The following TTLL11 variants were observed in gnomAD, a reference collection of about 807,000 sequenced individuals.
The protein encoded by TTLL11 is tubulin tyrosine ligase like 11.
In TTLL11, 42 loss-of-function variants were observed where a neutral mutation model predicts 51.7. The ratio of observed to expected loss-of-function variants is 0.81; its 90% CI spans 0.64 to 1.05. TTLL11 has a LOEUF of 1.05. Ranked by LOEUF, TTLL11 falls within the 50% of genes least tolerant of loss-of-function variation. The pLI is 0.00. For missense variants in TTLL11, 799 were observed against 940.4 expected, an observed-to-expected ratio of 0.85 and a Z score of 1.97; for synonymous variants, 381 against 383.5, an observed-to-expected ratio of 0.99 and a Z score of 0.08.
In TTLL11 at chr9:122,072,816, G is replaced by A. The variant is rs781034007; in HGVS notation, c.462+19871C>T. ...CTCTGACCCTTAACCTAAGCCAGCC[G>A]TCCCTCCCCTCCTCCTTCCCTGTAA... On this transcript the variant is annotated intron_variant, in intron 1 of 8. Transcript: ENST00000321582. Among the ~76,000 whole-genome samples the A allele has an allele frequency of 3.7e-4, 57 of 152,076 alleles. 1 individual carries two copies. Among genetic ancestry groups the A allele is most frequent in the Middle Eastern group, 3.4e-3 (1 of 294 alleles).
intron 6 of TTLL11, among the ~76,000 whole-genome samples, chr9:121,936,379 C>T (rs1239315969): frequency 6.6e-6 from 1 of 151,918 alleles, no homozygotes; most frequent in African/African-American, 2.4e-5. Context: ...TCCTCCTCAC[C>T]TTGGTCTCCC....
intron 4 of TTLL11, among the ~76,000 whole-genome samples, chr9:121,980,737 A>G (rs1180853219): frequency 6.6e-6 from 1 of 152,250 alleles, no homozygotes; most frequent in Non-Finnish European, 1.5e-5. Flanking sequence ...ACTATTCACA[A>G]TAGCAAAGAC....
intron 3 of TTLL11, among the ~76,000 whole-genome samples, chr9:122,020,517 T>A (rs1844139347): frequency 6.6e-6 from 1 of 152,280 alleles, no homozygotes; most frequent in South Asian, 2.1e-4. Context: ...TTAACCTCTC[T>A]GTACTTCAGT....
intron 1 of TTLL11, among the ~76,000 whole-genome samples, chr9:122,073,328 T>A (rs1845777221): frequency 6.6e-6 from 1 of 152,152 alleles, no homozygotes; most frequent in African/African-American, 2.4e-5. Context: ...AAGAATCACT[T>A]GAACCTGGGA....
chr9:121,919,871 G>C (rs1330997762), intron 6 of TTLL11, among the ~76,000 whole-genome samples: 1 of 140,922 alleles, frequency 7.1e-6, no homozygotes, highest in African/African-American at 2.7e-5. Flanking sequence ...AAAAAAAAAA[G>C]GAAATATCCT....
intron 1 of TTLL11, among the ~76,000 whole-genome samples, chr9:122,047,918 G>A (rs1270342501): frequency 6.6e-6 from 1 of 152,136 alleles, no homozygotes; most frequent in Non-Finnish European, 1.5e-5. Flanking sequence ...AGGAAAATTA[G>A]AAGCCATAAT....
chr9:121,875,091 A>G (rs77582052), intron 6 of TTLL11, among the ~76,000 whole-genome samples: 3,541 of 152,184 alleles, frequency 0.023, 123 homozygotes, highest in African/African-American at 0.079. Context: ...CGTTTTAACC[A>G]TTTTCAAGTG....
Position 121,816,331 on chromosome 9 carries a change from T to TA in TTLL11, c.*6255_*6256insT, listed in dbSNP as rs1013652680. 2 of 152,174 alleles carry TA rather than the reference T, an allele frequency of 1.3e-5. No individual in the cohort carries two copies. Among genetic ancestry groups the TA allele is most frequent in the African/African-American group, 2.4e-5 (1 of 41,432 alleles). 9.4% of individuals were successfully genotyped at this position (152,174 alleles called of 1,614,324 possible). A position where few individuals can be genotyped will look rare whatever the true frequency, so the allele number is the denominator to read the frequency against. On this transcript the variant is annotated 3_prime_UTR_variant, in exon 9 of 9. Coordinates refer to ENST00000321582, the MANE Select transcript of TTLL11 (RefSeq NM_001139442.2). Reference sequence around the variant, plus strand: ...CAGTCAGTGTTCTGTGGCCCAAGACTGGGTCCTGGTTGGAATCTTAGCAAA... The same window carrying TA: ...CAGTCAGTGTTCTGTGGCCCAAGACTAGGGTCCTGGTTGGAATCTTAGCAAA...
chr9:121,985,755 C>T (rs562774000), intron 4 of TTLL11, among the ~76,000 whole-genome samples: 26 of 152,158 alleles, frequency 1.7e-4, no homozygotes, highest in Admixed American at 9.8e-4. Context: ...CTCCTGACCT[C>T]GTGATCCGCC....
At chr9:121,911,401 GA>G (rs1054085969) in intron 6 of TTLL11, among the ~76,000 whole-genome samples, 21 of 149,156 alleles carry the variant, frequency 1.4e-4, no homozygotes, top group Non-Finnish European at 2.5e-4. Context: ...CATCTCAGGA[GA>G]AAAAAAAAAT....
At chr9:121,998,002 C>T (rs1843331781) in intron 3 of TTLL11, among the ~76,000 whole-genome samples, 1 of 152,308 alleles carries the variant, frequency 6.6e-6, no homozygotes, top group Admixed American at 6.5e-5. Flanking sequence ...ACTGAGAGCC[C>T]AGAAGACATC....
At chr9:121,827,230 G>C (rs1291264015) in intron 8 of TTLL11, among the ~76,000 whole-genome samples, 1 of 151,998 alleles carries the variant, frequency 6.6e-6, no homozygotes, top group African/African-American at 2.4e-5. Context: ...CAGGTAAAGG[G>C]ACCCTTCTCC....
intron 6 of TTLL11, among the ~76,000 whole-genome samples, chr9:121,895,886 TTGTATC>T (rs1839490920): frequency 1.5e-5 from 1 of 65,996 alleles, no homozygotes; most frequent in African/African-American, 6.0e-5. Flanking sequence ...CTGTGTGTCA[TTGTATC>T]TGTGTGTGTC....
Position 121,890,547 on chromosome 9 carries a change from C to G in TTLL11, c.1482-19799G>C, listed in dbSNP as rs1320296857. On this transcript the variant is annotated intron_variant, in intron 6 of 8. Coordinates refer to ENST00000321582, the MANE Select transcript of TTLL11 (RefSeq NM_001139442.2). The surrounding 1 kb of genome is among the most constrained non-coding windows in gnomAD (Gnocchi z 4.3). Reference sequence around the variant, plus strand: ...TTACAAGTGCAGCCCACAATCTTCCCAGCCCTCCAGAGCTCTCCCTGCTTC... The same window carrying G: ...TTACAAGTGCAGCCCACAATCTTCCGAGCCCTCCAGAGCTCTCCCTGCTTC... Among the ~76,000 whole-genome samples the G allele has an allele frequency of 6.6e-6, 1 of 152,230 alleles. No homozygotes were observed. The highest frequency in any genetic ancestry group is 1.5e-5 in the Non-Finnish European group (1 of 68,052).
chr9:122,057,417 G>GTT (rs1400974527), intron 1 of TTLL11, among the ~76,000 whole-genome samples: 1 of 150,730 alleles, frequency 6.6e-6, no homozygotes, highest in Non-Finnish European at 1.5e-5. Context: ...CGGCTCCCGG[G>GTT]TTCAAGCAAT....
chr9:121,847,124 G>C (rs1837538844), intron 8 of TTLL11, among the ~76,000 whole-genome samples: 1 of 151,038 alleles, frequency 6.6e-6, no homozygotes, highest in Non-Finnish European at 1.5e-5. Context: ...GCAGAAGAAT[G>C]GCGTGAACCC....
chr9:121,827,588 G>A (rs147898873), intron 8 of TTLL11, among the ~76,000 whole-genome samples: 13 of 152,304 alleles, frequency 8.5e-5, no homozygotes, highest in South Asian at 8.3e-4. Flanking sequence ...TATTGAATGC[G>A]TGCCAGTGAG....
intron 6 of TTLL11, among the ~76,000 whole-genome samples, chr9:121,918,511 G>A (rs1840418257): frequency 6.6e-6 from 1 of 152,178 alleles, no homozygotes; most frequent in African/African-American, 2.4e-5. Flanking sequence ...ATGGCATTAA[G>A]GACAAGGTAG....
intron 1 of TTLL11, among the ~76,000 whole-genome samples, chr9:122,052,087 T>C (rs553010795): frequency 6.6e-6 from 1 of 152,188 alleles, no homozygotes; most frequent in East Asian, 1.9e-4. Flanking sequence ...TGGAAATTGA[T>C]GAAATCCTGA....
Sources: gnomAD v4.1 joint callset for allele counts (sites outside exome capture counted in the v4.1 genomes callset) on GRCh38, gnomAD v4.1.1 for gene constraint, Gnocchi (gnomAD v3.1) non-coding constraint, MANE v1.5 for transcripts, NCBI Gene and HGNC (gene_info 2026-07-23, HGNC 2026-07-21) for gene names.